RHBDF2: variants seen among roughly 807,000 people sequenced by gnomAD.
RHBDF2 encodes the protein inactive rhomboid protein 2.
A neutral mutation model predicts 95.2 loss-of-function variants in RHBDF2; 38 were observed. The observed-to-expected ratio is 0.40, with a 90% CI of 0.31 to 0.52. The LOEUF (loss-of-function observed/expected upper bound fraction) is 0.52, where lower values mean the gene tolerates loss of function less well. RHBDF2 is among the 20% of genes least tolerant of loss of function. The pLI, the probability that RHBDF2 is intolerant of heterozygous loss-of-function variation, is 0.56. For synonymous variants in RHBDF2, 442 were observed against 462.0 expected (o/e 0.96, Z 0.55); for missense variants, 863 against 1,137.7 (o/e 0.76, Z 3.47).
At chr17:76,490,053 A>AG (rs1184344306) in intron 1 of RHBDF2, among the ~76,000 whole-genome samples, 1 of 152,208 alleles carries the variant, frequency 6.6e-6, no homozygotes, top group African/African-American at 2.4e-5. Context: ...GCGGTGCCCA[A>AG]GGGGCTGCTA....
intron 11 of RHBDF2, 93 bp downstream of exon 11, chr17:76,474,637 C>T: frequency 6.2e-7 from 1 of 1,611,884 alleles, no homozygotes; most frequent in African/African-American, 1.3e-5. Flanking sequence ...GATGAGGGGC[C>T]TGCGGGTGGG....
Position 76,474,525 on chromosome 17 carries a change from T to G in RHBDF2, c.1312A>C (p.Ile438Leu). The change falls in exon 12 of 19, where the codon ATC becomes CTC. Residue 438 changes from isoleucine to leucine, a missense_variant. By Grantham distance (5) the Ile-to-Leu change is conservative (BLOSUM62 2). Coordinates refer to ENST00000675367, the MANE Select transcript of RHBDF2 (RefSeq NM_001005498.4). ...FWVGPSSIDL[I>L]HLGAKFSPCI... ...GGTGAGAACTTGGCCCCCAGGTGGA[T>G]CAGGTCAATCTGGGGAAGGGAAAGG... The G allele has an allele frequency of 6.2e-7, 1 of 1,614,000 alleles. No homozygotes were observed. Among genetic ancestry groups the G allele is most frequent in the Non-Finnish European group, 8.5e-7 (1 of 1,179,948 alleles).
At chr17:76,495,526 A>G (rs549550710) in intron 1 of RHBDF2, among the ~76,000 whole-genome samples, 2 of 152,324 alleles carry the variant, frequency 1.3e-5, no homozygotes, top group South Asian at 2.1e-4. Context: ...TCTAAGATCT[A>G]TGTGACTTTG....
rs2073716559 is a variant in RHBDF2 at position 76,474,884 on chromosome 17, G to C, written c.1228-80C>G. 7.7e-6 allele frequency: 12 copies of C among 1,567,534 alleles called. No homozygotes were observed. In the East Asian group the frequency reaches 2.7e-4, roughly 35 times the overall value. On this transcript the variant is annotated intron_variant, in intron 10 of 18. Coordinates refer to ENST00000675367, the MANE Select transcript of RHBDF2 (RefSeq NM_001005498.4). Reference sequence around the variant, plus strand: ...GGGGAGCTGGGGCAGCTGTCCCCAGGATAGAGCCTCCAGGAAGGGGCCAGG... The same window carrying C: ...GGGGAGCTGGGGCAGCTGTCCCCAGCATAGAGCCTCCAGGAAGGGGCCAGG...
intron 1 of RHBDF2, among the ~76,000 whole-genome samples, chr17:76,500,611 G>A (rs536110035): frequency 3.3e-5 from 5 of 152,250 alleles, no homozygotes; most frequent in Non-Finnish European, 7.4e-5. Context: ...AGCCCCCTCC[G>A]TTAATCTTTC....
intron 1 of RHBDF2, among the ~76,000 whole-genome samples, chr17:76,492,864 C>T (rs918748087): frequency 2.0e-5 from 3 of 152,118 alleles, no homozygotes; most frequent in African/African-American, 4.8e-5. Flanking sequence ...AGGGGTGGGA[C>T]GGGACAGGCC....
chr17:76,490,811 C>T (rs1384004025), intron 1 of RHBDF2, among the ~76,000 whole-genome samples: 1 of 152,228 alleles, frequency 6.6e-6, no homozygotes, highest in Non-Finnish European at 1.5e-5. Context: ...TCCACCTTGC[C>T]TGCCTGGCCA....
intron 1 of RHBDF2, among the ~76,000 whole-genome samples, chr17:76,490,895 C>T (rs890731491): frequency 2.0e-5 from 3 of 152,168 alleles, no homozygotes; most frequent in East Asian, 1.9e-4. Context: ...TCCAGCATCT[C>T]GCGGATTTAC....
intron 3 of RHBDF2, among the ~76,000 whole-genome samples, chr17:76,480,831 G>A (rs905410492): frequency 1.2e-4 from 19 of 152,126 alleles, no homozygotes; most frequent in Non-Finnish European, 1.9e-4. Flanking sequence ...TCGGGTGAAC[G>A]GGGGGCGTTA....
intron 1 of RHBDF2, among the ~76,000 whole-genome samples, chr17:76,493,922 C>T (rs1344554758): frequency 1.3e-5 from 2 of 152,234 alleles, no homozygotes; most frequent in African/African-American, 4.8e-5. Flanking sequence ...GATCAAGAAC[C>T]CCCAGGGGCA....
intron 3 of RHBDF2, 55 bp from the exon 4 acceptor site, chr17:76,479,909 C>A: frequency 6.2e-7 from 1 of 1,601,628 alleles, no homozygotes; most frequent in Non-Finnish European, 8.5e-7. Flanking sequence ...AGGTCCTGGG[C>A]TGGCTTTTCT....
chr17:76,472,428 T>TCGGTGGTCGCCGTATCATTAAAA, intron 18 of RHBDF2: 1 of 598,484 alleles, frequency 1.7e-6, no homozygotes, highest in Non-Finnish European at 3.0e-6. Context: ...TGCAGATACC[T>TCGGTGGTCGCCGTATCATTAAAA]AGCATACTGT....
intron 1 of RHBDF2, among the ~76,000 whole-genome samples, chr17:76,495,306 T>C (rs1323203091): frequency 1.3e-5 from 2 of 152,200 alleles, no homozygotes; most frequent in Non-Finnish European, 2.9e-5. Context: ...CGTTTGTGAC[T>C]GTCCCATGTA....
intron 12 of RHBDF2, 46 bp from the exon 13 acceptor site, chr17:76,474,188 C>T (rs766627196): frequency 1.4e-6 from 2 of 1,426,780 alleles, no homozygotes; most frequent in Non-Finnish European, 1.9e-6. Flanking sequence ...GGCCAGGTCA[C>T]CCCCACTGGA....
intron 18 of RHBDF2, 124 bp from the exon 19 acceptor site, chr17:76,472,176 G>C (rs1317686439): frequency 1.3e-5 from 12 of 942,340 alleles, no homozygotes; most frequent in Non-Finnish European, 1.7e-5. Flanking sequence ...TGAGGCTGAG[G>C]GGCAGGGGGT....
chr17:76,491,905 T>C (rs1480020115), intron 1 of RHBDF2, among the ~76,000 whole-genome samples: 1 of 152,170 alleles, frequency 6.6e-6, no homozygotes, highest in East Asian at 1.9e-4. Flanking sequence ...AGCACTTATC[T>C]CCGAGCCCTA....
At chr17:76,486,354 C>T (rs540764367) in intron 2 of RHBDF2, among the ~76,000 whole-genome samples, 7 of 152,150 alleles carry the variant, frequency 4.6e-5, no homozygotes, top group African/African-American at 1.4e-4. Flanking sequence ...AAGTTTGCTT[C>T]GGCCTCTCAG....
At chr17:76,486,942 C>T (rs1386911828) in intron 2 of RHBDF2, among the ~76,000 whole-genome samples, 3 of 144,310 alleles carry the variant, frequency 2.1e-5, no homozygotes, top group South Asian at 2.2e-4. Context: ...GGTCCCACCT[C>T]GCTTCCTGCC....
intron 4 of RHBDF2, 91 bp from the exon 5 acceptor site, chr17:76,479,368 G>A (rs1423251550): frequency 4.0e-6 from 6 of 1,508,072 alleles, no homozygotes; most frequent in Non-Finnish European, 4.5e-6. Context: ...GTGTGTGCCC[G>A]CGTGCCTACA....
Sources: gnomAD v4.1 joint callset for allele counts (sites outside exome capture counted in the v4.1 genomes callset) on GRCh38, gnomAD v4.1.1 for gene constraint, MANE v1.5 for transcripts, NCBI Gene and HGNC (gene_info 2026-07-23, HGNC 2026-07-21) for gene names.